The following KCNIP1 variants were observed in gnomAD, a reference collection of about 807,000 sequenced individuals.
The protein encoded by KCNIP1 is A-type potassium channel modulatory protein KCNIP1.
Under a neutral mutation model 33.0 loss-of-function variants are expected in KCNIP1, and 18 were observed. The ratio of observed to expected loss-of-function variants is 0.55; its 90% confidence interval spans 0.38 to 0.81. The LOEUF (loss-of-function observed/expected upper bound fraction) is 0.81, where lower values mean the gene tolerates loss of function less well. Ranked by LOEUF, KCNIP1 falls within the 30% of genes least tolerant of loss-of-function variation. The pLI is 0.00. For missense variants in KCNIP1, 238 were observed against 271.6 expected (o/e 0.88, Z 0.87); for synonymous variants, 93 against 98.3 (o/e 0.95, Z 0.32).
chr5:170,597,830 T>TATATATATATATATA (rs1758516180), intron 1 of KCNIP1, among the ~76,000 whole-genome samples: 1 of 111,538 alleles, frequency 9.0e-6, no homozygotes, highest in Non-Finnish European at 1.9e-5. Flanking sequence ...TATATATATA[T>TATATATATATATATA]GAAAGAAAGA....
chr5:170,723,827 G>A (rs1014766669), intron 5 of KCNIP1, among the ~76,000 whole-genome samples: 7 of 152,146 alleles, frequency 4.6e-5, no homozygotes. Context: ...ACTGGAACCA[G>A]TTATACAAAA....
intron 1 of KCNIP1, among the ~76,000 whole-genome samples, chr5:170,554,297 G>A (rs1173742326): frequency 6.6e-6 from 1 of 152,210 alleles, no homozygotes; most frequent in East Asian, 1.9e-4. Flanking sequence ...AGAATGAGAA[G>A]CTCCCTGGAG....
At chr5:170,611,086 G>T (rs538034964) in intron 1 of KCNIP1, among the ~76,000 whole-genome samples, 2 of 152,338 alleles carry the variant, frequency 1.3e-5, no homozygotes, top group Non-Finnish European at 2.9e-5. Context: ...CTTCTGGCTT[G>T]ACAGTGGCAC....
intron 1 of KCNIP1, among the ~76,000 whole-genome samples, chr5:170,616,009 T>C (rs1689602306): frequency 1.3e-5 from 2 of 152,168 alleles, no homozygotes; most frequent in African/African-American, 4.8e-5. Context: ...ACAAGACCAC[T>C]TTCACAGGGG....
intron 1 of KCNIP1, among the ~76,000 whole-genome samples, chr5:170,523,349 A>G (rs1581270608): frequency 6.6e-6 from 1 of 152,332 alleles, no homozygotes; most frequent in Middle Eastern, 3.4e-3. Context: ...AGGAAAGCCG[A>G]TGCTTTCTGC....
intron 1 of KCNIP1, among the ~76,000 whole-genome samples, chr5:170,400,017 C>G (rs1272464331): frequency 6.6e-6 from 1 of 152,168 alleles, no homozygotes; most frequent in Admixed American, 6.5e-5. Flanking sequence ...TGTTGGTGAG[C>G]CATGTGAGCT....
At chr5:170,415,915 GA>G (rs1755317590) in intron 1 of KCNIP1, among the ~76,000 whole-genome samples, 1 of 152,172 alleles carries the variant, frequency 6.6e-6, no homozygotes, top group Admixed American at 6.5e-5. Context: ...ACTCCAGGCA[GA>G]GGGCACAGTC....
intron 1 of KCNIP1, among the ~76,000 whole-genome samples, chr5:170,470,903 C>T (rs1384602359): frequency 6.6e-6 from 1 of 152,192 alleles, no homozygotes; most frequent in Non-Finnish European, 1.5e-5. Flanking sequence ...TCAGCTTCCC[C>T]TTATCCAAGG....
At chr5:170,441,931 G>T in intron 1 of KCNIP1, among the ~76,000 whole-genome samples, 1 of 127,358 alleles carries the variant, frequency 7.9e-6, no homozygotes, top group African/African-American at 3.0e-5. Flanking sequence ...CAGCCTGGGT[G>T]ACAGAGCGAG....
At chr5:170,390,855 G>A (rs1033443506) in intron 1 of KCNIP1, among the ~76,000 whole-genome samples, 2 of 152,014 alleles carry the variant, frequency 1.3e-5, no homozygotes, top group Non-Finnish European at 2.9e-5. Context: ...CCAGCCCCCA[G>A]GGAGGTGGGT....
intron 1 of KCNIP1, among the ~76,000 whole-genome samples, chr5:170,532,154 A>T (rs1013063633): frequency 6.6e-6 from 1 of 152,232 alleles, no homozygotes; most frequent in African/African-American, 2.4e-5. Flanking sequence ...CTTCATTTTC[A>T]AACTTTTCAT....
intron 1 of KCNIP1, among the ~76,000 whole-genome samples, chr5:170,636,534 G>C (rs1332955598): frequency 2.0e-5 from 3 of 152,180 alleles, no homozygotes; most frequent in African/African-American, 7.2e-5. Context: ...CCTACTGCAT[G>C]CAGAGACCTC....
intron 1 of KCNIP1, among the ~76,000 whole-genome samples, chr5:170,611,822 A>G (rs1027776182): frequency 3.3e-5 from 5 of 152,208 alleles, no homozygotes; most frequent in African/African-American, 1.2e-4. Flanking sequence ...GGAAGGACAG[A>G]GAGAGAAGGG....
chr5:170,379,828 T>C (rs1349233096), intron 1 of KCNIP1, among the ~76,000 whole-genome samples: 1 of 152,030 alleles, frequency 6.6e-6, no homozygotes, highest in Non-Finnish European at 1.5e-5. Context: ...GTGGTGTACC[T>C]GTAGTCCCAG....
chr5:170,405,588 G>T (rs60328726), intron 1 of KCNIP1, among the ~76,000 whole-genome samples: 14,739 of 152,200 alleles, frequency 0.097, 889 homozygotes, highest in African/African-American at 0.17. Flanking sequence ...TGTTTTCCTG[G>T]TGCCTCATGC....
chr5:170,698,856 C>G (rs1561771361), intron 1 of KCNIP1, among the ~76,000 whole-genome samples: 1 of 152,116 alleles, frequency 6.6e-6, no homozygotes, highest in Non-Finnish European at 1.5e-5. Flanking sequence ...GGGATTATTC[C>G]CACCATTTCC....
intron 1 of KCNIP1, among the ~76,000 whole-genome samples, chr5:170,426,274 A>ACACAC (rs371118514): frequency 4.4e-4 from 25 of 56,780 alleles, no homozygotes; most frequent in African/African-American, 5.2e-4. Context: ...CACACACACA[A>ACACAC]ACACACACAC....
At chr5:170,612,863 C>G (rs180810327) in intron 1 of KCNIP1, among the ~76,000 whole-genome samples, 1 of 152,148 alleles carries the variant, frequency 6.6e-6, no homozygotes, top group African/African-American at 2.4e-5. Flanking sequence ...CTCCTCACCC[C>G]CTCCCAAGAC....
At chr5:170,449,132 T>G (rs1434334946) in intron 1 of KCNIP1, among the ~76,000 whole-genome samples, 1 of 152,214 alleles carries the variant, frequency 6.6e-6, no homozygotes, top group Non-Finnish European at 1.5e-5. Context: ...GCCATCTATT[T>G]AGAAGAGAGG....
Sources: gnomAD v4.1 joint callset for allele counts (sites outside exome capture counted in the v4.1 genomes callset) on GRCh38, gnomAD v4.1.1 for gene constraint, MANE v1.5 for transcripts, NCBI Gene and HGNC (gene_info 2026-07-23, HGNC 2026-07-21) for gene names.